Variants in C10orf67 observed in about 807,000 individuals in gnomAD.
C10orf67 encodes the protein uncharacterized protein C10orf67, mitochondrial.
Under a neutral mutation model 35.6 loss-of-function variants are expected in C10orf67, and 60 were observed. The observed-to-expected ratio is 1.68, with a 90% CI of 1.37 to 2.09. C10orf67 has a LOEUF of 2.09. C10orf67 is among the 30% of genes most tolerant of loss of function. C10orf67 has a pLI of 0.00. For synonymous variants in C10orf67, 167 were observed against 115.8 expected (o/e 1.44, Z -2.84); for missense variants, 474 against 330.2 (o/e 1.44, Z -3.38).
chr10:23,338,306 C>T (rs1845762933), intron 1 of C10orf67, among the ~76,000 whole-genome samples: 1 of 152,120 alleles, frequency 6.6e-6, no homozygotes, highest in African/African-American at 2.4e-5. Flanking sequence ...TGGTTTTCCC[C>T]TTACCAAGGC....
intron 7 of C10orf67, among the ~76,000 whole-genome samples, chr10:23,289,140 C>A (rs985897814): frequency 1.3e-5 from 2 of 152,032 alleles, no homozygotes; most frequent in African/African-American, 4.8e-5. Flanking sequence ...GCTAAGAAAT[C>A]TTGTTGTTGT....
chr10:23,299,825 A>C (rs1844010865), intron 5 of C10orf67, among the ~76,000 whole-genome samples: 1 of 152,056 alleles, frequency 6.6e-6, no homozygotes, highest in South Asian at 2.1e-4. Context: ...AAACATACAA[A>C]AAATTAGCCG....
At chr10:23,296,342 T>G (rs1271335252) in intron 5 of C10orf67, among the ~76,000 whole-genome samples, 2 of 152,216 alleles carry the variant, frequency 1.3e-5, no homozygotes, top group African/African-American at 4.8e-5. Context: ...AGGCAACAGA[T>G]GATTGGCTAT....
At chr10:23,317,527 C>A (rs139148668) in intron 4 of C10orf67, 1 of 152,226 alleles carries the variant, frequency 6.6e-6, no homozygotes, top group Non-Finnish European at 1.5e-5. Flanking sequence ...ATCTCCCCTG[C>A]TGCAGCCGGC....
chr10:23,303,492 G>A (rs186664450), intron 4 of C10orf67, 33 bp from the exon 5 acceptor site: 95 of 465,408 alleles, frequency 2.0e-4, no homozygotes, highest in Non-Finnish European at 3.3e-4. Context: ...TTAAAAATTA[G>A]ACACTAAGCA....
intron 12 of C10orf67, among the ~76,000 whole-genome samples, chr10:23,246,477 A>G (rs1842319717): frequency 6.6e-6 from 1 of 152,254 alleles, no homozygotes; most frequent in South Asian, 2.1e-4. Context: ...CACAAAATTG[A>G]TAACTATCAA....
intron 1 of C10orf67, among the ~76,000 whole-genome samples, chr10:23,337,110 C>T (rs1358119944): frequency 6.6e-6 from 1 of 152,014 alleles, no homozygotes; most frequent in Non-Finnish European, 1.5e-5. Flanking sequence ...AATAGGAATC[C>T]ATCAATCCAT....
chr10:23,279,427 A>T (rs1335402325), intron 8 of C10orf67, among the ~76,000 whole-genome samples: 4 of 152,232 alleles, frequency 2.6e-5, no homozygotes, highest in African/African-American at 9.6e-5. Flanking sequence ...CACAGGCTTG[A>T]GGCATGCCTC....
At position 23,212,371 on chromosome 10, in the gene C10orf67, C is replaced by G. The variant is rs11013323; in HGVS notation, c.1571-8116G>C. ...GTGGCCTTAGCAAAGGAATACATAG[C>G]CCAAACCACACGTCTCTTGTTTCAG... On this transcript the variant is annotated intron_variant, in intron 15 of 15. Coordinates refer to ENST00000636213, the MANE Select transcript of C10orf67 (RefSeq NM_001371909.1). Among the ~76,000 whole-genome samples the G allele has an allele frequency of 3.0e-3, 456 of 152,288 alleles. 4 individuals carry two copies. Among genetic ancestry groups the G allele is most frequent in the Non-Finnish European group, 5.2e-3 (357 of 68,024 alleles).
chr10:23,242,394 T>C (rs770368111), intron 12 of C10orf67, among the ~76,000 whole-genome samples: 1 of 152,166 alleles, frequency 6.6e-6, no homozygotes, highest in Non-Finnish European at 1.5e-5. Flanking sequence ...GAGAGAATTA[T>C]TTGCCAGCAA....
intron 1 of C10orf67, among the ~76,000 whole-genome samples, chr10:23,340,925 G>A (rs1050748830): frequency 6.6e-6 from 1 of 152,164 alleles, no homozygotes; most frequent in African/African-American, 2.4e-5. Context: ...TTAATAAAAT[G>A]CAATGACTCT....
intron 15 of C10orf67, among the ~76,000 whole-genome samples, chr10:23,211,393 T>C (rs1841301114): frequency 6.6e-6 from 1 of 152,132 alleles, no homozygotes; most frequent in Non-Finnish European, 1.5e-5. Context: ...AGAGACTCTA[T>C]TTCTAAATAA....
intron 6 of C10orf67, 70 bp from the exon 7 acceptor site, chr10:23,290,028 C>T (rs544164163): frequency 3.1e-5 from 22 of 706,462 alleles, no homozygotes; most frequent in Non-Finnish European, 4.2e-5. Flanking sequence ...AAACGGCCTG[C>T]TTCAGGGCAG....
chr10:23,236,430 C>G (rs969274512), intron 13 of C10orf67, among the ~76,000 whole-genome samples: 1 of 141,706 alleles, frequency 7.1e-6, no homozygotes, highest in African/African-American at 3.1e-5. Flanking sequence ...GACTCTGTCT[C>G]AAAACAAAAC....
intron 8 of C10orf67, among the ~76,000 whole-genome samples, chr10:23,268,297 GA>G (rs1003508565): frequency 3.3e-5 from 5 of 151,758 alleles, no homozygotes; most frequent in Non-Finnish European, 5.9e-5. Flanking sequence ...CCTGACTTCA[GA>G]AAAAAAATCA....
chr10:23,299,382 T>G (rs552825716), intron 5 of C10orf67, among the ~76,000 whole-genome samples: 5 of 152,254 alleles, frequency 3.3e-5, no homozygotes, highest in African/African-American at 1.2e-4. Context: ...ACAGGCATTC[T>G]TTGCTCGTCC....
rs1409120780 is a variant in C10orf67 at position 23,223,739 on chromosome 10, C to A, written c.1509+5G>T. On this transcript the variant is annotated splice_donor_5th_base_variant and intron_variant, in intron 14 of 15. Transcript: ENST00000636213. The stretch of plus-strand genomic sequence containing the variant: ...ATATTTAATAAAGAAAAATAAGCTA[C>A]TTACTGAAGATGTACAATGACTTGA... 1.4e-6 allele frequency: 1 copy of A among 716,106 alleles called. No individual in the cohort carries two copies. The highest frequency in any genetic ancestry group is 2.6e-6 in the Non-Finnish European group (1 of 384,916). 44.4% of individuals were successfully genotyped at this position (716,106 alleles called of 1,614,324 possible).
chr10:23,281,296 C>T (rs1843356691), intron 8 of C10orf67, among the ~76,000 whole-genome samples: 2 of 152,142 alleles, frequency 1.3e-5, no homozygotes, highest in African/African-American at 2.4e-5. Context: ...TGTAAAAAAG[C>T]GAATGTTTCA....
At position 23,312,248 on chromosome 10, in the gene C10orf67, A is replaced by G. The variant is rs113731121; in HGVS notation, c.546+8493T>C. Among the ~76,000 whole-genome samples the G allele has an allele frequency of 5.3e-3, 802 of 152,354 alleles. 4 individuals are homozygous for G. Among genetic ancestry groups the G allele is most frequent in the Admixed American group, 7.7e-3 (118 of 15,304 alleles). On this transcript the variant is annotated intron_variant, in intron 4 of 15. Coordinates refer to ENST00000636213, the MANE Select transcript of C10orf67 (RefSeq NM_001371909.1). ...GCATTAGTTATTCACTTATTTACTT[A>G]TAACAGTGAGCTCATGGATTCCTAT...
Sources: gnomAD v4.1 joint callset for allele counts (sites outside exome capture counted in the v4.1 genomes callset) on GRCh38, gnomAD v4.1.1 for gene constraint, MANE v1.5 for transcripts, NCBI Gene and HGNC (gene_info 2026-07-23, HGNC 2026-07-21) for gene names.